TGFB3: variants seen among roughly 807,000 people sequenced by gnomAD.
TGFB3 encodes the protein transforming growth factor beta-3 proprotein.
TGFB3 carries 5 observed loss-of-function variants against 40.1 expected under a neutral mutation model. The ratio of observed to expected loss-of-function variants is 0.12; its 90% CI spans 0.07 to 0.26. The LOEUF is 0.26. Among genes scored for constraint, TGFB3 ranks in the 10% least tolerant of loss-of-function variants. TGFB3 has a pLI of 1.00. For missense variants in TGFB3, 373 were observed against 530.1 expected (o/e 0.70, Z 2.91); for synonymous variants, 184 against 205.6 (o/e 0.89, Z 0.90).
At chr14:75,965,551 C>G (rs767668863) in intron 4 of TGFB3, 37 bp downstream of exon 4, 31 of 1,549,408 alleles carry the variant, frequency 2.0e-5, no homozygotes, top group Middle Eastern at 1.7e-4. Context: ...ACTTCCCCCC[C>G]ACTCACCCAT....
At chr14:75,964,067 G>T (rs2035192618) in intron 4 of TGFB3, among the ~76,000 whole-genome samples, 1 of 152,022 alleles carries the variant, frequency 6.6e-6, no homozygotes, top group African/African-American at 2.4e-5. Context: ...GTAGAGACAG[G>T]GTTTCACCAT....
At chr14:75,976,907 T>G (rs2035359819) in intron 1 of TGFB3, among the ~76,000 whole-genome samples, 3 of 152,166 alleles carry the variant, frequency 2.0e-5, no homozygotes, top group Admixed American at 6.5e-5. Context: ...TTCAATGTGC[T>G]TAAGAATCCA....
At position 75,971,699 on chromosome 14, in the gene TGFB3, A is replaced by G; in HGVS notation, c.372T>C (p.Pro124=). The G allele has an allele frequency of 6.2e-7, 1 of 1,614,232 alleles. No individual in the cohort carries two copies. Among genetic ancestry groups the G allele is most frequent in the South Asian group, 1.1e-5 (1 of 91,078 alleles). The change falls in exon 2 of 7, where the codon CCT becomes CCC. Residue 124 remains proline, a synonymous_variant. Coordinates refer to ENST00000238682, the MANE Select transcript of TGFB3 (RefSeq NM_003239.5). This position sits in a 1 kb window ranked among gnomAD's most constrained non-coding sequence, Gnocchi z 4.5. ...LAEHNELAVC[P]KGITSKVFRF... ...GGAAAACCTTGGAGGTAATTCCTTT[A>G]GGGCAGACAGCCAGTTCGTCTAGGA...
chr14:75,972,943 C>T (rs1416885617), intron 1 of TGFB3, among the ~76,000 whole-genome samples: 3 of 152,298 alleles, frequency 2.0e-5, no homozygotes, highest in Non-Finnish European at 2.9e-5. Flanking sequence ...CTTTCCTTGA[C>T]AGCACGTGCT....
At chr14:75,962,060 AG>A (rs1212796751) in intron 5 of TGFB3, among the ~76,000 whole-genome samples, 3 of 152,182 alleles carry the variant, frequency 2.0e-5, no homozygotes, top group Non-Finnish European at 4.4e-5. Flanking sequence ...AGGTGCCTGA[AG>A]CCCTAGCAAT....
In TGFB3 at chr14:75,980,844, A is replaced by C. The variant is rs776354980; in HGVS notation, c.50T>G (p.Phe17Cys). ...RALVVLALLN[F>C]ATVSLSLSTC... is the part of the protein sequence containing the mutation. ...GGACAGAGAGAGGCTGACCGTGGCA[A>C]AGTTCAGCAGGGCCAGGACCACCAG... Residue 17 changes from phenylalanine to cysteine, a missense_variant, in exon 1 of 7, where the codon TTT becomes TGT. Transcript: ENST00000238682. This position sits in a 1 kb window ranked among gnomAD's most constrained non-coding sequence, Gnocchi z 4.3. The C allele has an allele frequency of 1.1e-5, 18 of 1,614,016 alleles. No individual in the cohort carries two copies. Among genetic ancestry groups the C allele is most frequent in the Non-Finnish European group, 1.4e-5 (16 of 1,180,030 alleles).
chr14:75,965,510 TA>T, intron 4 of TGFB3, 77 bp downstream of exon 4: 1 of 1,241,456 alleles, frequency 8.1e-7, no homozygotes. Context: ...TGAGGTCTGG[TA>T]AGGGTCTCCT....
In TGFB3 at chr14:75,961,494, A is replaced by G. The variant is rs548626474; in HGVS notation, c.927-418T>C. On this transcript the variant is annotated intron_variant, in intron 5 of 6. Transcript: ENST00000238682. ...AATTCTAAGTTTATGCAGCTTGACTACTATAGTAGGTGACTGCTGAGACTC... is the reference window on the plus strand; with the variant it reads ...AATTCTAAGTTTATGCAGCTTGACTGCTATAGTAGGTGACTGCTGAGACTC... 3.3e-5 allele frequency among the ~76,000 whole-genome samples: 5 copies of G among 152,332 alleles called. No individual in the cohort carries two copies. In the East Asian group the frequency reaches 7.7e-4, roughly 23 times the overall value.
intron 1 of TGFB3, among the ~76,000 whole-genome samples, chr14:75,974,630 T>C (rs1792133764): frequency 6.6e-6 from 1 of 151,854 alleles, no homozygotes; most frequent in Non-Finnish European, 1.5e-5. Flanking sequence ...CCAGGCATGA[T>C]GGTGCATGCT....
intron 1 of TGFB3, among the ~76,000 whole-genome samples, chr14:75,976,013 G>A (rs1462620944): frequency 6.6e-6 from 1 of 152,150 alleles, no homozygotes; most frequent in East Asian, 1.9e-4. Flanking sequence ...TCTCTATTTT[G>A]TTTAACGGGG....
chr14:75,959,931 CTTTTTTTTT>C (rs71122509), intron 6 of TGFB3, among the ~76,000 whole-genome samples: 15 of 32,016 alleles, frequency 4.7e-4, no homozygotes, highest in Admixed American at 1.5e-3. Flanking sequence ...ATTATCTTGG[CTTTTTTTTT>C]TTTTTTTTTT....
intron 3 of TGFB3, among the ~76,000 whole-genome samples, chr14:75,970,250 G>T (rs1373271242): frequency 6.6e-6 from 1 of 152,034 alleles, no homozygotes; most frequent in African/African-American, 2.4e-5. Context: ...ACCTCGCCAT[G>T]ACCTGATGAT....
At chr14:75,963,595 T>G in intron 4 of TGFB3, 108 bp from the exon 5 acceptor site, 4 of 1,355,822 alleles carry the variant, frequency 3.0e-6, no homozygotes, top group Non-Finnish European at 4.2e-6. Context: ...GGCAGTGCAG[T>G]CTGCGAGGGA....
At chr14:75,974,914 A>C (rs11466423) in intron 1 of TGFB3, among the ~76,000 whole-genome samples, 22 of 151,988 alleles carry the variant, frequency 1.4e-4, no homozygotes, top group African/African-American at 5.3e-4. Flanking sequence ...AACATGGTGA[A>C]ACCCCATCTC....
chr14:75,968,216 C>A (rs889450407), intron 3 of TGFB3, among the ~76,000 whole-genome samples: 1 of 152,324 alleles, frequency 6.6e-6, no homozygotes, highest in East Asian at 1.9e-4. Flanking sequence ...TCAATCTACA[C>A]CGCCAACTGC....
Position 75,971,058 on chromosome 14 carries a change from C to T in TGFB3, c.646+68G>A, listed in dbSNP as rs2035284436. On this transcript the variant is annotated intron_variant, in intron 3 of 6. Coordinates refer to ENST00000238682, the MANE Select transcript of TGFB3 (RefSeq NM_003239.5). The surrounding 1 kb of genome is among the most constrained non-coding windows in gnomAD (Gnocchi z 4.5). The stretch of plus-strand genomic sequence containing the variant: ...GACTCCCTTAATTCTGTCCTCTTCC[C>T]TCCATTTCATGGAGGACTAAGGGAC... 6.2e-7 allele frequency: 1 copy of T among 1,604,382 alleles called. No individual in the cohort carries two copies. Among genetic ancestry groups the T allele is most frequent in the East Asian group, 2.2e-5 (1 of 44,776 alleles).
In TGFB3 at chr14:75,958,810, A is replaced by C; in HGVS notation, c.*377T>G. The stretch of plus-strand genomic sequence containing the variant: ...CAACCTCAGATCTGAAGTGTCTTCC[A>C]GTCTGGCCCTGACCCAGCCATTCTC... On this transcript the variant is annotated 3_prime_UTR_variant, in exon 7 of 7. Transcript: ENST00000238682. 2.9e-6 allele frequency: 1 copy of C among 345,788 alleles called. No homozygotes were observed. Among genetic ancestry groups the C allele is most frequent in the South Asian group, 2.4e-5 (1 of 41,366 alleles). The allele number at this position is 345,788 out of a possible 1,614,324, so 21.4% of individuals were successfully genotyped here. A position where few individuals can be genotyped will look rare whatever the true frequency, so the allele number is the denominator to read the frequency against.
chr14:75,971,436 G>T lies in TGFB3; in HGVS notation c.516+119C>A. On this transcript the variant is annotated intron_variant, in intron 2 of 6. Coordinates refer to ENST00000238682, the MANE Select transcript of TGFB3 (RefSeq NM_003239.5). The surrounding 1 kb of genome is among the most constrained non-coding windows in gnomAD (Gnocchi z 4.5). The stretch of plus-strand genomic sequence containing the variant: ...GACAGACACAGATACGGAAACGAAG[G>T]CTCAGAGAAGCCAGGATTCAAACCC... 7 of 1,535,446 alleles carry T rather than the reference G, an allele frequency of 4.6e-6. No homozygotes were observed. The highest frequency in any genetic ancestry group is 2.3e-5 in the South Asian group (2 of 85,208).
chr14:75,966,232 A>G (rs2035219815), intron 3 of TGFB3: 1 of 179,514 alleles, frequency 5.6e-6, no homozygotes, highest in African/African-American at 2.4e-5. Flanking sequence ...ACAGGATGTA[A>G]TGCTGGCAAA....
Sources: allele counts gnomAD v4.1 joint callset (sites outside exome capture counted in the v4.1 genomes callset), GRCh38; gene constraint gnomAD v4.1.1; non-coding constraint Gnocchi (gnomAD v3.1); transcripts MANE v1.5; gene names NCBI Gene and HGNC (gene_info 2026-07-23, HGNC 2026-07-21).